SCLT1: variants seen among roughly 807,000 people sequenced by gnomAD.
SCLT1 encodes the protein sodium channel and clathrin linker 1.
Under a neutral mutation model 112.8 loss-of-function variants are expected in SCLT1, and 78 were observed. That is an observed-to-expected ratio of 0.69 (90% CI 0.58 to 0.83). SCLT1 has a LOEUF of 0.83. Ranked by LOEUF, SCLT1 falls within the 40% of genes least tolerant of loss-of-function variation. SCLT1 has a pLI of 0.00. For missense variants in SCLT1, 747 were observed against 770.4 expected, an observed-to-expected ratio of 0.97 and a Z score of 0.36; for synonymous variants, 257 against 254.7, an observed-to-expected ratio of 1.01 and a Z score of -0.09.
chr4:129,072,950 T>C (rs918608258), intron 2 of SCLT1, among the ~76,000 whole-genome samples: 2 of 152,142 alleles, frequency 1.3e-5, no homozygotes, highest in Admixed American at 1.3e-4. Context: ...AGGAAAGGTC[T>C]AGGGCTGAAA....
intron 20 of SCLT1, among the ~76,000 whole-genome samples, chr4:128,886,047 A>G (rs542734423): frequency 1.3e-5 from 2 of 152,256 alleles, no homozygotes; most frequent in South Asian, 4.1e-4. Context: ...TCGGTTTGTC[A>G]CTGACTTTAT....
intron 5 of SCLT1, among the ~76,000 whole-genome samples, chr4:129,030,026 T>C (rs1365536178): frequency 1.3e-5 from 2 of 152,082 alleles, no homozygotes; most frequent in Admixed American, 6.6e-5. Context: ...CAGCACCACA[T>C]ACCATGTATT....
In SCLT1 at chr4:128,884,374, A is replaced by G. The variant is rs1305319790; in HGVS notation, c.*103T>C. 3 of 699,106 alleles carry G rather than the reference A, an allele frequency of 4.3e-6. No homozygotes were observed. Among genetic ancestry groups the G allele is most frequent in the Admixed American group, 2.4e-5 (1 of 41,424 alleles). The allele number at this position is 699,106 out of a possible 1,614,324, so 43.3% of individuals were successfully genotyped here. ...AACAACAATGCTTACGCGAAATAACACAAGCCTTAACTATTATACTTTGCA... is the reference window on the plus strand; with the variant it reads ...AACAACAATGCTTACGCGAAATAACGCAAGCCTTAACTATTATACTTTGCA... On this transcript the variant is annotated 3_prime_UTR_variant, in exon 21 of 21. Transcript: ENST00000281142.
chr4:128,896,135 A>G (rs1287456121), intron 18 of SCLT1, among the ~76,000 whole-genome samples: 1 of 152,232 alleles, frequency 6.6e-6, no homozygotes, highest in Non-Finnish European at 1.5e-5. Context: ...AACAAAAGGC[A>G]GCAGAATCCT....
chr4:129,066,171 A>T (rs1750468345), intron 2 of SCLT1, among the ~76,000 whole-genome samples: 2 of 152,204 alleles, frequency 1.3e-5, no homozygotes, highest in South Asian at 4.1e-4. Context: ...ATTTAACTGT[A>T]TTAAAAGTTA....
intron 18 of SCLT1, among the ~76,000 whole-genome samples, chr4:128,924,282 A>G (rs1192083517): frequency 6.6e-6 from 1 of 150,606 alleles, no homozygotes; most frequent in African/African-American, 2.4e-5. Context: ...ATTTTTTATT[A>G]TTTATTTATA....
At chr4:129,013,274 G>A (rs1479734405) in intron 5 of SCLT1, among the ~76,000 whole-genome samples, 1 of 152,132 alleles carries the variant, frequency 6.6e-6, no homozygotes, top group East Asian at 1.9e-4. Flanking sequence ...AGTTTGCTAA[G>A]GTTGTGCCTT....
chr4:128,907,461 C>A (rs1734776700), intron 18 of SCLT1, among the ~76,000 whole-genome samples: 1 of 151,864 alleles, frequency 6.6e-6, no homozygotes, highest in Non-Finnish European at 1.5e-5. Context: ...GAGGAGGAGT[C>A]CAAGATGATA....
chr4:128,876,057 C>A (rs1183534865), intron 4 of SCLT1, among the ~76,000 whole-genome samples: 1 of 152,124 alleles, frequency 6.6e-6, no homozygotes, highest in Non-Finnish European at 1.5e-5. Flanking sequence ...ACATCCACTA[C>A]ATGCAGAAAT....
In SCLT1 at chr4:129,023,674, C is replaced by A. The variant is rs528864678; in HGVS notation, c.290+15367G>T. Among the ~76,000 whole-genome samples the A allele has an allele frequency of 3.9e-5, 6 of 152,278 alleles. No individual in the cohort carries two copies. The East Asian group carries it at 9.7e-4, about 25-fold the overall frequency. The stretch of plus-strand genomic sequence containing the variant: ...CTGGGTTCATCTCACTAGGGGGTGC[C>A]AGACAGTGGGTGCAGGACAGTGGGT... On this transcript the variant is annotated intron_variant, in intron 5 of 20. Transcript: ENST00000281142.
chr4:128,981,220 C>T (rs1353490403), intron 9 of SCLT1, among the ~76,000 whole-genome samples: 2 of 152,180 alleles, frequency 1.3e-5, no homozygotes, highest in Non-Finnish European at 2.9e-5. Context: ...TGCTTCTAAC[C>T]TCCAAACTCT....
chr4:129,052,693 T>G (rs1321687309), intron 2 of SCLT1, among the ~76,000 whole-genome samples: 2 of 152,132 alleles, frequency 1.3e-5, no homozygotes, highest in Non-Finnish European at 2.9e-5. Flanking sequence ...CTAGACTTAT[T>G]AATTTTTTGA....
At chr4:128,940,786 T>TA (rs1457261646) in intron 17 of SCLT1, among the ~76,000 whole-genome samples, 4 of 151,974 alleles carry the variant, frequency 2.6e-5, no homozygotes, top group Non-Finnish European at 4.4e-5. Flanking sequence ...TTACTATACA[T>TA]ATAGATGTAA....
At chr4:128,955,160 A>T (rs1739118216) in intron 13 of SCLT1, among the ~76,000 whole-genome samples, 1 of 152,200 alleles carries the variant, frequency 6.6e-6, no homozygotes, top group Admixed American at 6.6e-5. Context: ...CATCTAATGA[A>T]ACAAAATGTA....
intron 18 of SCLT1, among the ~76,000 whole-genome samples, chr4:128,928,417 T>C (rs925955037): frequency 6.6e-6 from 1 of 152,200 alleles, no homozygotes. Flanking sequence ...ATTACAATCA[T>C]GTTGGTTTTG....
intron 9 of SCLT1, among the ~76,000 whole-genome samples, chr4:128,972,785 C>G (rs1355112043): frequency 6.6e-6 from 1 of 152,112 alleles, no homozygotes; most frequent in African/African-American, 2.4e-5. Flanking sequence ...CACTGATGGT[C>G]TCCTCTTTTG....
chr4:129,082,154 G>A, intron 2 of SCLT1, 152 bp downstream of exon 2: 1 of 391,748 alleles, frequency 2.6e-6, no homozygotes, highest in Non-Finnish European at 4.6e-6. Flanking sequence ...TGGTTGGGGG[G>A]AAAAGGGCAA....
At chr4:128,939,508 G>A (rs1489602574) in intron 17 of SCLT1, among the ~76,000 whole-genome samples, 1 of 152,106 alleles carries the variant, frequency 6.6e-6, no homozygotes, top group Non-Finnish European at 1.5e-5. Context: ...TCAGAATGTT[G>A]GATGGGAAAA....
At chr4:128,895,923 C>T (rs908826528) in intron 18 of SCLT1, among the ~76,000 whole-genome samples, 30 of 152,190 alleles carry the variant, frequency 2.0e-4, no homozygotes, top group Non-Finnish European at 1.3e-4. Flanking sequence ...CCTATGCCCA[C>T]GGAGCCTCGC....
Sources: gnomAD v4.1 joint callset for allele counts (sites outside exome capture counted in the v4.1 genomes callset) on GRCh38, gnomAD v4.1.1 for gene constraint, MANE v1.5 for transcripts, NCBI Gene and HGNC (gene_info 2026-07-23, HGNC 2026-07-21) for gene names.